The following H2AZ2 variants were observed in gnomAD, a reference collection of about 807,000 sequenced individuals.
H2AZ2 encodes the protein H2A.Z variant histone 2.
Under a neutral mutation model 15.5 loss-of-function variants are expected in H2AZ2, and 5 were observed. That is an observed-to-expected ratio of 0.32 (90% CI 0.17 to 0.68). The LOEUF is 0.68. Among genes scored for constraint, H2AZ2 ranks in the 30% least tolerant of loss-of-function variants. The pLI, the probability that H2AZ2 is intolerant of heterozygous loss-of-function variation, is 0.72. For synonymous variants in H2AZ2, 44 were observed against 57.4 expected, an observed-to-expected ratio of 0.77 and a Z score of 1.05; for missense variants, 42 against 162.5, an observed-to-expected ratio of 0.26 and a Z score of 4.03.
intron 1 of H2AZ2, among the ~76,000 whole-genome samples, chr7:44,846,655 C>A (rs868770477): frequency 4.9e-4 from 65 of 132,366 alleles, no homozygotes; most frequent in South Asian, 1.2e-3. Flanking sequence ...AACAAAAAAC[C>A]AAAAAAAAAA....
chr7:44,830,307 A>G (rs1395446215), downstream of H2AZ2: 3 of 755,266 alleles, frequency 4.0e-6, no homozygotes, highest in Admixed American at 6.5e-5. Flanking sequence ...AATTCACTGG[A>G]TAACTACTGG....
At chr7:44,834,878 G>C in intron 4 of H2AZ2, 1 of 199,984 alleles carries the variant, frequency 5.0e-6, no homozygotes, top group Non-Finnish European at 1.0e-5. Context: ...TCTGTCCTGG[G>C]TTCAAGTGAT....
At chr7:44,839,053 C>T (rs1277177207) in intron 3 of H2AZ2, among the ~76,000 whole-genome samples, 3 of 152,186 alleles carry the variant, frequency 2.0e-5, no homozygotes, top group African/African-American at 7.2e-5. Flanking sequence ...ATTAACTTGT[C>T]TTCCTGAAAT....
intron 1 of H2AZ2, among the ~76,000 whole-genome samples, chr7:44,843,931 CT>C (rs1793338055): frequency 6.6e-6 from 1 of 151,972 alleles, no homozygotes; most frequent in Non-Finnish European, 1.5e-5. Flanking sequence ...GTCAATATAA[CT>C]TTTATGCATA....
In H2AZ2 at chr7:44,834,630, T is replaced by C. The variant is rs1371376609; in HGVS notation, c.326-68A>G. 28 of 1,388,162 alleles carry C rather than the reference T, an allele frequency of 2.0e-5. No homozygotes were observed. The East Asian group carries it at 4.8e-4, about 24-fold the overall frequency. The allele number at this position is 1,388,162 out of a possible 1,614,324, so 86.0% of individuals were successfully genotyped here. The stretch of plus-strand genomic sequence containing the variant: ...TTTGCCTCAAGTAAAAAGTTAATTA[T>C]AGAAAAAATGAAATTTACTTAAGTC... On this transcript the variant is annotated intron_variant, in intron 4 of 4. Transcript: ENST00000308153.
downstream of H2AZ2, chr7:44,828,139 CA>C (rs1792951547): frequency 6.6e-6 from 1 of 152,142 alleles, no homozygotes; most frequent in Non-Finnish European, 1.5e-5. Context: ...TCAGGGATAA[CA>C]ATACATATGG....
rs1793067356 is a variant in H2AZ2 at position 44,834,416 on chromosome 7, TA to T, written c.*84del. 1 of 1,512,632 alleles carries T rather than the reference TA, an allele frequency of 6.6e-7. No individual in the cohort carries two copies. Among genetic ancestry groups the T allele is most frequent in the Non-Finnish European group, 8.9e-7 (1 of 1,121,396 alleles). 93.7% of individuals were successfully genotyped at this position (1,512,632 alleles called of 1,614,324 possible). ...CTATGCTTTTCCATTTAACTGTTGT[TA>T]AAAATTCCACATATCCCCATTATTT... is the stretch of plus-strand genomic sequence containing the variant. On this transcript the variant is annotated 3_prime_UTR_variant, in exon 5 of 5. Transcript: ENST00000308153.
At position 44,832,945 on chromosome 7, in the gene H2AZ2, G is replaced by A. The variant is rs1562784129; in HGVS notation, c.*1556C>T. Reference sequence around the variant, plus strand: ...AACCTGGGCAAAAGAGCAAGAGCCTGTCTCAAAACAAACAAAAAAGTTTCT... The same window carrying A: ...AACCTGGGCAAAAGAGCAAGAGCCTATCTCAAAACAAACAAAAAAGTTTCT... On this transcript the variant is annotated 3_prime_UTR_variant, in exon 5 of 5. Transcript: ENST00000308153. Among the ~76,000 whole-genome samples the A allele has an allele frequency of 6.6e-6, 1 of 152,106 alleles. No homozygotes were observed.
At chr7:44,839,819 A>G (rs1039668623) in intron 3 of H2AZ2, among the ~76,000 whole-genome samples, 1 of 151,526 alleles carries the variant, frequency 6.6e-6, no homozygotes, top group Non-Finnish European at 1.5e-5. Flanking sequence ...CCTGGCCAAC[A>G]TGGTGAAACC....
intron 3 of H2AZ2, among the ~76,000 whole-genome samples, chr7:44,840,307 T>A (rs1793243631): frequency 6.6e-6 from 1 of 152,178 alleles, no homozygotes; most frequent in African/African-American, 2.4e-5. Context: ...AGTCTGGAAC[T>A]CCAGGACTCA....
chr7:44,847,878 T>C (rs1793453719), intron 1 of H2AZ2, 91 bp downstream of exon 1: 1 of 1,515,352 alleles, frequency 6.6e-7, no homozygotes, highest in Non-Finnish European at 8.8e-7. Flanking sequence ...ACCCGCAAAC[T>C]CCCGACTCCA....
At chr7:44,831,484 G>A (rs1426181645), downstream of H2AZ2, among the ~76,000 whole-genome samples, 2 of 151,740 alleles carry the variant, frequency 1.3e-5, no homozygotes, top group Non-Finnish European at 2.9e-5. Flanking sequence ...AAATTGCCCT[G>A]AATCAAGTGA....
intron 1 of H2AZ2, among the ~76,000 whole-genome samples, chr7:44,846,062 C>CACACACACAGAGAG (rs57468916): frequency 2.5e-3 from 190 of 75,124 alleles, no homozygotes; most frequent in Non-Finnish European, 4.3e-3. Flanking sequence ...CACACACACA[C>CACACACACAGAGAG]AGAGAGAGAC....
intron 3 of H2AZ2, among the ~76,000 whole-genome samples, chr7:44,836,793 G>T (rs558045664): frequency 6.6e-6 from 1 of 151,882 alleles, no homozygotes; most frequent in Non-Finnish European, 1.5e-5. Flanking sequence ...TCAGGAGATC[G>T]AGACCATCCT....
chr7:44,845,615 C>T (rs1360763856), intron 1 of H2AZ2, among the ~76,000 whole-genome samples: 1 of 152,094 alleles, frequency 6.6e-6, no homozygotes. Context: ...CAAAATTCCC[C>T]AGGCTCCCCA....
chr7:44,847,841 AG>A, intron 1 of H2AZ2, 127 bp downstream of exon 1: 1 of 1,284,990 alleles, frequency 7.8e-7, no homozygotes, highest in Non-Finnish European at 1.0e-6. Context: ...GCGGGCGGCG[AG>A]GGGCTCGGCC....
intron 3 of H2AZ2, 137 bp downstream of exon 3, chr7:44,840,762 C>T: frequency 5.0e-6 from 3 of 600,388 alleles, no homozygotes; most frequent in Non-Finnish European, 8.7e-6. Flanking sequence ...AAGAGTGAAA[C>T]TCTGTCTCCA....
Position 44,833,329 on chromosome 7 carries a change from TTCACG to T in H2AZ2, c.*1167_*1171del, listed in dbSNP as rs1237500260. ...CTCACTGCAAGCTCCGCCTCCCGGG[TTCACG>T]TCATTCTCATGCCTCAGCCTCCTGA... On this transcript the variant is annotated 3_prime_UTR_variant, in exon 5 of 5. Coordinates refer to ENST00000308153, the MANE Select transcript of H2AZ2 (RefSeq NM_012412.5). Among the ~76,000 whole-genome samples the T allele has an allele frequency of 6.6e-6, 1 of 152,116 alleles. No individual in the cohort carries two copies. Among genetic ancestry groups the T allele is most frequent in the African/African-American group, 2.4e-5 (1 of 41,438 alleles).
At chr7:44,847,059 T>C (rs1031623856) in intron 1 of H2AZ2, among the ~76,000 whole-genome samples, 5 of 152,216 alleles carry the variant, frequency 3.3e-5, no homozygotes, top group African/African-American at 1.2e-4. Flanking sequence ...GTATGATAAA[T>C]GACAGCTTGG....
Sources: gnomAD v4.1 joint callset for allele counts (sites outside exome capture counted in the v4.1 genomes callset) on GRCh38, gnomAD v4.1.1 for gene constraint, MANE v1.5 for transcripts, NCBI Gene and HGNC (gene_info 2026-07-23, HGNC 2026-07-21) for gene names.